Variants in CPNE2 observed in about 807,000 individuals in gnomAD.
CPNE2 encodes the protein copine 2.
Under a neutral mutation model 69.7 loss-of-function variants are expected in CPNE2, and 42 were observed. The ratio of observed to expected loss-of-function variants is 0.60; its 90% CI spans 0.47 to 0.78. The LOEUF is 0.78. Ranked by LOEUF, CPNE2 falls within the 30% of genes least tolerant of loss-of-function variation. CPNE2 has a pLI of 0.00. For synonymous variants in CPNE2, 294 were observed against 289.8 expected, an observed-to-expected ratio of 1.01 and a Z score of -0.15; for missense variants, 587 against 732.0, an observed-to-expected ratio of 0.80 and a Z score of 2.29.
chr16:57,103,022 C>T (rs2069625139), intron 1 of CPNE2, among the ~76,000 whole-genome samples: 1 of 152,224 alleles, frequency 6.6e-6, no homozygotes, highest in Non-Finnish European at 1.5e-5. Context: ...ATTCAGACCT[C>T]ACATAATGGG....
At position 57,125,936 on chromosome 16, in the gene CPNE2, C is replaced by T. The variant is rs2069797811; in HGVS notation, c.1004C>T (p.Thr335Ile). Residue 335 changes from threonine to isoleucine, a missense_variant, in exon 11 of 16, where the codon ACC becomes ATC. By Grantham distance (89) the Thr-to-Ile change is moderately conservative (BLOSUM62 -1). This residue lies in a region of CPNE2 where 269 missense variants were observed against 300.5 expected (regional missense o/e 0.90). Coordinates refer to ENST00000290776, the MANE Select transcript of CPNE2 (RefSeq NM_152727.6). ...TTGCACTATATCAACCCTATGGGCA[C>T]CAACGAATATCTGTCGGCCATCTGG... ...SSLHYINPMG[T>I]NEYLSAIWAV... 2.5e-6 allele frequency: 4 copies of T among 1,614,072 alleles called. No individual in the cohort carries two copies. Among genetic ancestry groups the T allele is most frequent in the Non-Finnish European group, 3.4e-6 (4 of 1,180,044 alleles).
chr16:57,127,535 C>T (rs1476023148), intron 11 of CPNE2, among the ~76,000 whole-genome samples: 1 of 152,206 alleles, frequency 6.6e-6, no homozygotes, highest in Non-Finnish European at 1.5e-5. Context: ...ATCTTGACCT[C>T]CTGACCTTGG....
chr16:57,111,201 C>T (rs1232112264), intron 2 of CPNE2, among the ~76,000 whole-genome samples: 6 of 138,166 alleles, frequency 4.3e-5, no homozygotes, highest in East Asian at 4.2e-4. Context: ...TTTTTTGAGA[C>T]GGAATCTCTC....
chr16:57,098,364 A>G (rs1217417169), intron 1 of CPNE2, among the ~76,000 whole-genome samples: 10 of 152,226 alleles, frequency 6.6e-5, no homozygotes, highest in Non-Finnish European at 1.5e-4. Flanking sequence ...ATTTGTGTCA[A>G]GGTGCCGCCC....
chr16:57,123,069 A>G (rs1284668285), intron 9 of CPNE2, among the ~76,000 whole-genome samples: 5 of 152,198 alleles, frequency 3.3e-5, no homozygotes, highest in Admixed American at 6.5e-5. Flanking sequence ...CTTTGTTAAA[A>G]AGGTAGATTA....
chr16:57,117,085 T>A (rs1170550444), intron 4 of CPNE2, among the ~76,000 whole-genome samples: 2 of 151,984 alleles, frequency 1.3e-5, no homozygotes, highest in Non-Finnish European at 2.9e-5. Context: ...TACAATGAAG[T>A]GGCTGTGATG....
chr16:57,096,054 G>A (rs1309516027), intron 1 of CPNE2, among the ~76,000 whole-genome samples: 1 of 152,276 alleles, frequency 6.6e-6, no homozygotes, highest in African/African-American at 2.4e-5. Context: ...TAGGTGCTCA[G>A]TAAATCCTTG....
chr16:57,109,555 C>A (rs1458426176), intron 1 of CPNE2, among the ~76,000 whole-genome samples: 2 of 152,006 alleles, frequency 1.3e-5, no homozygotes, highest in Non-Finnish European at 2.9e-5. Flanking sequence ...CTGCTGGTTG[C>A]CCATGTTTAT....
intron 14 of CPNE2, among the ~76,000 whole-genome samples, chr16:57,139,493 T>G (rs2145281140): frequency 6.6e-6 from 1 of 152,348 alleles, no homozygotes; most frequent in Admixed American, 6.5e-5. Flanking sequence ...AAAGACATAC[T>G]GGACCCCAGG....
chr16:57,124,320 G>A (rs989017443), intron 10 of CPNE2: 10 of 444,288 alleles, frequency 2.3e-5, no homozygotes, highest in African/African-American at 1.6e-4. Flanking sequence ...GGGCTCAAGC[G>A]ATCTGCCCAC....
Position 57,147,671 on chromosome 16 carries a change from A to G in CPNE2, c.*13A>G. The G allele has an allele frequency of 1.3e-6, 2 of 1,578,242 alleles. No homozygotes were observed. Among genetic ancestry groups the G allele is most frequent in the African/African-American group, 1.3e-5 (1 of 74,428 alleles). On this transcript the variant is annotated 3_prime_UTR_variant, in exon 16 of 16. Transcript: ENST00000290776. ...GGAGCCCGCCTGAGCTCCAGTGCCC[A>G]GCAGCAGCATGTCAGCTGAGCCTCC...
rs2069563740 is a variant in CPNE2, at chr16:57,094,215, G to C, written c.-36+1425G>C. On this transcript the variant is annotated intron_variant, in intron 1 of 15. Coordinates refer to ENST00000290776, the MANE Select transcript of CPNE2 (RefSeq NM_152727.6). The stretch of plus-strand genomic sequence containing the variant: ...GTTCGTTTTGCGGCCGTCACTTCCT[G>C]TCTGCGTGCCTTGTCACCCCTTGGA... 1.3e-5 allele frequency: 5 copies of C among 395,542 alleles called. No homozygotes were observed. The Admixed American group carries it at 1.5e-4, about 11-fold the overall frequency. 24.5% of individuals were successfully genotyped at this position (395,542 alleles called of 1,614,324 possible). A position where few individuals can be genotyped will look rare whatever the true frequency, so the allele number is the denominator to read the frequency against.
intron 2 of CPNE2, among the ~76,000 whole-genome samples, chr16:57,111,765 C>T (rs1207475096): frequency 1.3e-5 from 2 of 152,118 alleles, no homozygotes; most frequent in Non-Finnish European, 2.9e-5. Context: ...TAATGGTGCC[C>T]CAGGCAAGGA....
chr16:57,097,352 G>T (rs1429363173), intron 1 of CPNE2, among the ~76,000 whole-genome samples: 4 of 152,102 alleles, frequency 2.6e-5, no homozygotes, highest in African/African-American at 9.7e-5. Context: ...CAAAGTCCCT[G>T]GTCCAGAGGA....
intron 12 of CPNE2, among the ~76,000 whole-genome samples, chr16:57,129,454 T>C (rs1251809623): frequency 2.0e-5 from 3 of 152,088 alleles, no homozygotes; most frequent in Non-Finnish European, 2.9e-5. Context: ...GTGGTGCTGC[T>C]TACTGAGATG....
chr16:57,119,719 C>A, intron 7 of CPNE2, 69 bp downstream of exon 7: 1 of 1,058,622 alleles, frequency 9.4e-7, no homozygotes, highest in Non-Finnish European at 1.4e-6. Flanking sequence ...CTGAGGCTCC[C>A]GGGGATGCCT....
chr16:57,117,570 A>T lies in CPNE2; in HGVS notation c.507+3A>T. On this transcript the variant is annotated splice_donor_region_variant and intron_variant, in intron 5 of 15. Coordinates refer to ENST00000290776, the MANE Select transcript of CPNE2 (RefSeq NM_152727.6). ...CGGGCAGGAGGCTGGACAAGAAGGT[A>T]AGGCGGGCAGAGGAAGGGCTCCCAT... The T allele has an allele frequency of 6.2e-7, 1 of 1,613,374 alleles. No homozygotes were observed. Among genetic ancestry groups the T allele is most frequent in the Non-Finnish European group, 8.5e-7 (1 of 1,179,748 alleles).
chr16:57,097,906 T>A lies in CPNE2; in HGVS notation c.-36+5116T>A, dbSNP rs539973196. Among the ~76,000 whole-genome samples, 4 of 152,316 alleles carry A rather than the reference T, an allele frequency of 2.6e-5. No homozygotes were observed. The South Asian group carries it at 8.3e-4, about 32-fold the overall frequency. The stretch of plus-strand genomic sequence containing the variant: ...TCCGTGCCTATCCCCATGTGGAGCT[T>A]CCTGGGAGGCCGGAGGGGAAGGAGC... On this transcript the variant is annotated intron_variant, in intron 1 of 15. Transcript: ENST00000290776.
In CPNE2 at chr16:57,092,976, C is replaced by A. The variant is rs1327683318; in HGVS notation, c.-36+186C>A. Among the ~76,000 whole-genome samples, 1 of 152,122 alleles carries A rather than the reference C, an allele frequency of 6.6e-6. No homozygotes were observed. The highest frequency in any genetic ancestry group is 1.9e-4 in the East Asian group (1 of 5,186). The stretch of plus-strand genomic sequence containing the variant: ...GCGCTTCGGTGACTCAGCTCCGACC[C>A]GGCCACGCGGGGGCGCCCCGCCGGC... On this transcript the variant is annotated intron_variant, in intron 1 of 15. Coordinates refer to ENST00000290776, the MANE Select transcript of CPNE2 (RefSeq NM_152727.6). This position sits in a 1 kb window ranked among gnomAD's most constrained non-coding sequence, Gnocchi z 5.3.
Sources: allele counts gnomAD v4.1 joint callset (sites outside exome capture counted in the v4.1 genomes callset), GRCh38; gene constraint gnomAD v4.1.1; regional missense constraint gnomAD v4.1.1; non-coding constraint Gnocchi (gnomAD v3.1); transcripts MANE v1.5; gene names NCBI Gene and HGNC (gene_info 2026-07-23, HGNC 2026-07-21).